Variants in MEI4 observed in about 807,000 individuals in gnomAD.
MEI4 encodes meiotic double-stranded break formation protein 4.
MEI4 carries 27 observed loss-of-function variants against 31.4 expected under a neutral mutation model. The ratio of observed to expected loss-of-function variants is 0.86; its 90% CI spans 0.63 to 1.19. The LOEUF (loss-of-function observed/expected upper bound fraction) is 1.19. Among genes scored for constraint, MEI4 ranks in the 50% most tolerant of loss-of-function variants. The probability of loss-of-function intolerance (pLI) is 0.00; values close to 1 mark genes in which losing one functional copy is unlikely to be tolerated. For synonymous variants in MEI4, 122 were observed against 145.4 expected, an observed-to-expected ratio of 0.84 and a Z score of 1.16; for missense variants, 329 against 398.9, an observed-to-expected ratio of 0.82 and a Z score of 1.49.
At chr6:77,914,061 T>C (rs1358017131) in intron 4 of MEI4, among the ~76,000 whole-genome samples, 5 of 151,218 alleles carry the variant, frequency 3.3e-5, no homozygotes, top group African/African-American at 1.2e-4. Flanking sequence ...TTCGTTGATG[T>C]TTTATATTGT....
In MEI4 at chr6:77,754,970, A is replaced by G. The variant is rs150430111; in HGVS notation, c.233-6160A>G. On this transcript the variant is annotated intron_variant, in intron 2 of 4. Coordinates refer to ENST00000684080, the MANE Select transcript of MEI4 (RefSeq NM_001322247.2). Reference sequence around the variant, plus strand: ...GAGATTTAAATGGGGACACAGAACCAAGCCATATCAATGGGTTTAATTTTA... The same window carrying G: ...GAGATTTAAATGGGGACACAGAACCGAGCCATATCAATGGGTTTAATTTTA... 3.7e-3 allele frequency among the ~76,000 whole-genome samples: 557 copies of G among 152,282 alleles called. 2 individuals carry two copies. Among genetic ancestry groups the G allele is most frequent in the Non-Finnish European group, 6.9e-3 (468 of 68,022 alleles).
At chr6:77,827,110 C>T (rs1323697150) in intron 3 of MEI4, among the ~76,000 whole-genome samples, 1 of 151,996 alleles carries the variant, frequency 6.6e-6, no homozygotes, top group Non-Finnish European at 1.5e-5. Flanking sequence ...CCTGTAATCC[C>T]AGCACTTTGG....
In MEI4 at chr6:77,765,680, T is replaced by G. The variant is rs57698324; in HGVS notation, c.768+4015T>G. ...AATTCCATTTGACCCAGCCATCCCA[T>G]TACTGGGTATATACCCAAAGGATTA... On this transcript the variant is annotated intron_variant, in intron 3 of 4. Transcript: ENST00000684080. Among the ~76,000 whole-genome samples, 1,193 of 149,794 alleles carry G rather than the reference T, an allele frequency of 8.0e-3. 44 individuals carry two copies. Among genetic ancestry groups the G allele is most frequent in the African/African-American group, 0.028 (1,144 of 40,518 alleles).
chr6:77,791,010 A>G (rs990364595), intron 3 of MEI4, among the ~76,000 whole-genome samples: 4 of 152,116 alleles, frequency 2.6e-5, no homozygotes, highest in Non-Finnish European at 5.9e-5. Flanking sequence ...TAGAATGGCA[A>G]TCATTAAAAA....
Position 77,728,910 on chromosome 6 carries a change from A to T in MEI4, c.233-32220A>T, listed in dbSNP as rs185647607. 5.3e-5 allele frequency among the ~76,000 whole-genome samples: 8 copies of T among 152,310 alleles called. No individual in the cohort carries two copies. The East Asian group carries it at 1.5e-3, about 29-fold the overall frequency. On this transcript the variant is annotated intron_variant, in intron 2 of 4. Transcript: ENST00000684080. ...TTAAACTTCTTGCTCTGGCTGCTGT[A>T]TGGAGAATGGGCTGTAACTGAGAGG...
At chr6:77,760,579 A>G (rs1224100882) in intron 2 of MEI4, among the ~76,000 whole-genome samples, 2 of 152,254 alleles carry the variant, frequency 1.3e-5, no homozygotes, top group Non-Finnish European at 2.9e-5. Flanking sequence ...TGTTGTATTT[A>G]TGCGTTTACA....
At chr6:77,715,389 A>G (rs906472841) in intron 2 of MEI4, among the ~76,000 whole-genome samples, 5 of 152,212 alleles carry the variant, frequency 3.3e-5, no homozygotes, top group African/African-American at 1.2e-4. Flanking sequence ...AGTGGAAATG[A>G]GTTCTGTTTG....
chr6:77,797,183 A>G (rs915486648), intron 3 of MEI4, among the ~76,000 whole-genome samples: 8 of 152,222 alleles, frequency 5.3e-5, no homozygotes, highest in African/African-American at 1.9e-4. Context: ...ATACTCATAA[A>G]TTAAGTCTGA....
intron 3 of MEI4, among the ~76,000 whole-genome samples, chr6:77,780,489 A>G (rs1768565340): frequency 6.6e-6 from 1 of 152,116 alleles, no homozygotes; most frequent in African/African-American, 2.4e-5. Context: ...CAGCTCTTTC[A>G]CTGAATATCG....
In MEI4 at chr6:77,820,739, T is replaced by C. The variant is rs1769803881; in HGVS notation, c.769-8192T>C. Among the ~76,000 whole-genome samples, 1 of 152,012 alleles carries C rather than the reference T, an allele frequency of 6.6e-6. No individual in the cohort carries two copies. The highest frequency in any genetic ancestry group is 1.5e-5 in the Non-Finnish European group (1 of 68,002). ...TAGTTTGAAGATACTAGATCAAAGA[T>C]GTATGGCTTTTATTGTTGCTATTAA... On this transcript the variant is annotated intron_variant, in intron 3 of 4. Coordinates refer to ENST00000684080, the MANE Select transcript of MEI4 (RefSeq NM_001322247.2). This position sits in a 1 kb window ranked among gnomAD's most constrained non-coding sequence, Gnocchi z 4.5.
intron 2 of MEI4, among the ~76,000 whole-genome samples, chr6:77,715,102 G>T (rs1452075418): frequency 6.6e-6 from 1 of 152,128 alleles, no homozygotes; most frequent in Non-Finnish European, 1.5e-5. Flanking sequence ...AGTATGAGTT[G>T]TGTGAAATCA....
intron 4 of MEI4, among the ~76,000 whole-genome samples, chr6:77,842,955 T>C (rs981626310): frequency 3.3e-5 from 5 of 152,016 alleles, no homozygotes; most frequent in Non-Finnish European, 7.4e-5. Flanking sequence ...AAGAAAACTC[T>C]AGACTTCGAG....
At chr6:77,759,896 A>G (rs77108683) in intron 2 of MEI4, among the ~76,000 whole-genome samples, 2,874 of 152,250 alleles carry the variant, frequency 0.019, 62 homozygotes, top group East Asian at 0.088. Context: ...TACAACTTTC[A>G]GTGCCTCATT....
intron 4 of MEI4, among the ~76,000 whole-genome samples, chr6:77,856,361 A>T (rs934836884): frequency 4.6e-5 from 7 of 152,062 alleles, no homozygotes; most frequent in African/African-American, 1.7e-4. Context: ...GACTAAACTC[A>T]GGTGCCTATC....
At chr6:77,792,368 T>C (rs189517793) in intron 3 of MEI4, among the ~76,000 whole-genome samples, 21 of 152,232 alleles carry the variant, frequency 1.4e-4, no homozygotes, top group African/African-American at 5.1e-4. Context: ...GGAACTTTTT[T>C]GGGGAATCTT....
At chr6:77,804,446 G>A (rs144330746) in intron 3 of MEI4, among the ~76,000 whole-genome samples, 10 of 152,226 alleles carry the variant, frequency 6.6e-5, no homozygotes, top group Admixed American at 1.3e-4. Flanking sequence ...CACTCAGTGC[G>A]CTGCACCCAC....
chr6:77,753,812 T>G lies in MEI4; in HGVS notation c.233-7318T>G, dbSNP rs151295971. Reference sequence around the variant, plus strand: ...AAGACACATGCACACGTATGTTTGTTGCGGCACTGTTCACAATAGCAAAGA... The same window carrying G: ...AAGACACATGCACACGTATGTTTGTGGCGGCACTGTTCACAATAGCAAAGA... On this transcript the variant is annotated intron_variant, in intron 2 of 4. Coordinates refer to ENST00000684080, the MANE Select transcript of MEI4 (RefSeq NM_001322247.2). 7.0e-3 allele frequency among the ~76,000 whole-genome samples: 1,062 copies of G among 152,296 alleles called. 14 individuals carry two copies. Among genetic ancestry groups the G allele is most frequent in the African/African-American group, 0.024 (1,002 of 41,568 alleles).
At chr6:77,891,800 C>A (rs1426416708) in intron 4 of MEI4, among the ~76,000 whole-genome samples, 1 of 152,030 alleles carries the variant, frequency 6.6e-6, no homozygotes, top group African/African-American at 2.4e-5. Flanking sequence ...ATTGTTGTAT[C>A]TATAATGTTG....
intron 4 of MEI4, among the ~76,000 whole-genome samples, chr6:77,907,669 G>C (rs371873318): frequency 6.6e-6 from 1 of 152,144 alleles, no homozygotes; most frequent in African/African-American, 2.4e-5. Context: ...GGGATGGCTG[G>C]GTCAAATGGT....
Sources: gnomAD v4.1 joint callset for allele counts (sites outside exome capture counted in the v4.1 genomes callset) on GRCh38, gnomAD v4.1.1 for gene constraint, Gnocchi (gnomAD v3.1) non-coding constraint, MANE v1.5 for transcripts, NCBI Gene and HGNC (gene_info 2026-07-23, HGNC 2026-07-21) for gene names.